Variants in ATG14 observed in about 807,000 individuals in gnomAD.
The protein encoded by ATG14 is beclin 1-associated autophagy-related key regulator.
In ATG14, 35 loss-of-function variants were observed where a neutral mutation model predicts 60.4. The ratio of observed to expected loss-of-function variants is 0.58; its 90% CI spans 0.44 to 0.77. ATG14 has a LOEUF of 0.77. ATG14 is among the 30% of genes least tolerant of loss of function. ATG14 has a pLI of 0.00. For missense variants in ATG14, 647 were observed against 626.3 expected, an observed-to-expected ratio of 1.03 and a Z score of -0.35; for synonymous variants, 234 against 228.8, an observed-to-expected ratio of 1.02 and a Z score of -0.21.
chr14:55,402,317 C>T (rs749374048), intron 1 of ATG14, among the ~76,000 whole-genome samples: 64 of 152,160 alleles, frequency 4.2e-4, no homozygotes, highest in East Asian at 3.9e-4. Context: ...GTCTCAGAAA[C>T]ACTACTAATG....
At chr14:55,403,953 A>G (rs1341930728) in intron 1 of ATG14, among the ~76,000 whole-genome samples, 1 of 152,230 alleles carries the variant, frequency 6.6e-6, no homozygotes, top group Non-Finnish European at 1.5e-5. Flanking sequence ...AAATTCAACT[A>G]CATCTTGTTT....
intron 9 of ATG14, among the ~76,000 whole-genome samples, chr14:55,372,532 T>C (rs1429399026): frequency 6.6e-6 from 1 of 151,548 alleles, no homozygotes; most frequent in African/African-American, 2.4e-5. Context: ...CACAGCTCAC[T>C]CCTCCCTTCC....
chr14:55,375,882 C>T (rs904223445), intron 9 of ATG14, among the ~76,000 whole-genome samples: 1 of 152,130 alleles, frequency 6.6e-6, no homozygotes, highest in Non-Finnish European at 1.5e-5. Context: ...ATGTAAGTAA[C>T]GTGCCATGAA....
At chr14:55,372,017 T>G (rs1159390236) in intron 9 of ATG14, among the ~76,000 whole-genome samples, 1 of 152,044 alleles carries the variant, frequency 6.6e-6, no homozygotes, top group East Asian at 1.9e-4. Context: ...TCATTTCTTT[T>G]CTCCCCTTTT....
intron 6 of ATG14, among the ~76,000 whole-genome samples, 187 bp from the exon 7 acceptor site, chr14:55,380,877 T>TA (rs60511037): frequency 4.2e-3 from 184 of 43,646 alleles, no homozygotes; most frequent in African/African-American, 0.016. Context: ...ATATATATAT[T>TA]TTTTTTTTTT....
chr14:55,374,968 T>C (rs960272982), intron 9 of ATG14, among the ~76,000 whole-genome samples: 5 of 152,222 alleles, frequency 3.3e-5, no homozygotes, highest in Non-Finnish European at 5.9e-5. Context: ...TTGCAGACTA[T>C]ACTTCTAGTT....
Position 55,395,946 on chromosome 14 carries a change from A to C in ATG14, c.321T>G (p.Asp107Glu), listed in dbSNP as rs1315285578. ...AACATGTATTACAACTTACCAACTGATCTGTTATCCATTTTCCTTCCATAG... is the reference window on the plus strand; with the variant it reads ...AACATGTATTACAACTTACCAACTGCTCTGTTATCCATTTTCCTTCCATAG... ...LKAMEGKWIT[D>E]QLRWKIMSCK... is the part of the protein sequence containing the mutation. The change falls in exon 3 of 10, where the codon GAT becomes GAG. Residue 107 changes from aspartate (D) to glutamate (E), a missense_variant. Transcript: ENST00000247178. The C allele has an allele frequency of 6.3e-7, 1 of 1,593,580 alleles. No homozygotes were observed.
rs141892353 is a variant in ATG14, at chr14:55,385,989, C to G, written c.517G>C (p.Gly173Arg). The change falls in exon 5 of 10, where the codon GGT becomes CGT. Residue 173 changes from glycine to arginine, a missense_variant. Transcript: ENST00000247178. ...ATGGTCTTTTTTTCTACCAGGTCACCAAGTTTGCGATTATGCCTCTGAATC... is the reference window on the plus strand; with the variant it reads ...ATGGTCTTTTTTTCTACCAGGTCACGAAGTTTGCGATTATGCCTCTGAATC... ...EKIQRHNRKL[G>R]DLVEKKTIDL... The G allele has an allele frequency of 7.4e-6, 12 of 1,614,000 alleles. No homozygotes were observed. In the African/African-American group the frequency reaches 1.6e-4, roughly 22 times the overall value.
intron 5 of ATG14, among the ~76,000 whole-genome samples, chr14:55,382,526 G>T (rs553102635): frequency 3.9e-5 from 6 of 152,180 alleles, no homozygotes; most frequent in African/African-American, 1.4e-4. Context: ...GTCTCACTTT[G>T]TTGCCCAGGC....
chr14:55,395,659 A>T (rs2039861095), intron 3 of ATG14, among the ~76,000 whole-genome samples: 1 of 152,198 alleles, frequency 6.6e-6, no homozygotes, highest in Non-Finnish European at 1.5e-5. Flanking sequence ...AGTGTGTATG[A>T]TAAATAATTT....
intron 9 of ATG14, 149 bp downstream of exon 9, chr14:55,377,670 A>G: frequency 2.2e-6 from 1 of 463,456 alleles, no homozygotes; most frequent in Non-Finnish European, 3.8e-6. Context: ...AAATATAATT[A>G]CCTTTGTTTC....
intron 9 of ATG14, among the ~76,000 whole-genome samples, chr14:55,374,025 GA>G (rs1884872645): frequency 6.6e-6 from 1 of 152,086 alleles, no homozygotes; most frequent in African/African-American, 2.4e-5. Context: ...ATTCTCAATG[GA>G]AAACCTGACT....
intron 7 of ATG14, among the ~76,000 whole-genome samples, chr14:55,379,658 A>G (rs190930950): frequency 1.3e-3 from 195 of 152,316 alleles, no homozygotes; most frequent in Non-Finnish European, 1.1e-3. Context: ...AAATGCAATG[A>G]TAGTTGGAGG....
At chr14:55,411,329 C>T (rs953638895) in intron 1 of ATG14, among the ~76,000 whole-genome samples, 4 of 152,200 alleles carry the variant, frequency 2.6e-5, no homozygotes, top group Non-Finnish European at 1.5e-5. Flanking sequence ...AGAGAGTCAC[C>T]ACTTATTCCT....
At chr14:55,407,362 C>T (rs1594785845) in intron 1 of ATG14, among the ~76,000 whole-genome samples, 1 of 152,224 alleles carries the variant, frequency 6.6e-6, no homozygotes, top group South Asian at 2.1e-4. Flanking sequence ...GTCTCTTGAC[C>T]TTGTAATCTG....
intron 3 of ATG14, among the ~76,000 whole-genome samples, chr14:55,392,150 A>G (rs1432126536): frequency 6.6e-6 from 1 of 152,158 alleles, no homozygotes; most frequent in Non-Finnish European, 1.5e-5. Flanking sequence ...GATCCCTCGC[A>G]TGTGCAGTCC....
At chr14:55,390,868 T>C (rs368724168) in intron 4 of ATG14, 43 bp downstream of exon 4, 52 of 1,361,356 alleles carry the variant, frequency 3.8e-5, no homozygotes, top group Middle Eastern at 1.8e-4. Context: ...AAATTCCACA[T>C]AGGCACTTTC....
intron 8 of ATG14, 39 bp from the exon 9 acceptor site, chr14:55,377,943 T>C: frequency 6.3e-7 from 1 of 1,594,504 alleles, no homozygotes; most frequent in Non-Finnish European, 8.5e-7. Context: ...TTTTCAACTA[T>C]TTAACAAAGT....
intron 1 of ATG14, among the ~76,000 whole-genome samples, chr14:55,399,797 A>G (rs932402846): frequency 1.3e-5 from 2 of 152,226 alleles, no homozygotes; most frequent in Non-Finnish European, 2.9e-5. Flanking sequence ...AGAGGCCATA[A>G]AAGTTCTCCT....
Sources: allele counts gnomAD v4.1 joint callset (sites outside exome capture counted in the v4.1 genomes callset), GRCh38; gene constraint gnomAD v4.1.1; transcripts MANE v1.5; gene names NCBI Gene and HGNC (gene_info 2026-07-23, HGNC 2026-07-21).